The following IL7 variants were observed in gnomAD, a reference collection of about 807,000 sequenced individuals.
IL7 encodes the protein interleukin 7.
Under a neutral mutation model 21.6 loss-of-function variants are expected in IL7, and 3 were observed. The ratio of observed to expected loss-of-function variants is 0.14; its 90% CI spans 0.06 to 0.36. The LOEUF (loss-of-function observed/expected upper bound fraction) is 0.36, where lower values mean the gene tolerates loss of function less well. IL7 is among the 10% of genes least tolerant of loss of function. The pLI is 1.00. For missense variants in IL7, 175 were observed against 200.2 expected, an observed-to-expected ratio of 0.87 and a Z score of 0.76; for synonymous variants, 62 against 68.1, an observed-to-expected ratio of 0.91 and a Z score of 0.44.
intron 4 of IL7, among the ~76,000 whole-genome samples, chr8:78,737,131 A>G (rs1811620180): frequency 6.6e-6 from 1 of 152,156 alleles, no homozygotes; most frequent in Non-Finnish European, 1.5e-5. Flanking sequence ...GAACATGATG[A>G]TCCATATAAA....
chr8:78,743,788 T>C (rs181260066), intron 2 of IL7, among the ~76,000 whole-genome samples: 14 of 152,326 alleles, frequency 9.2e-5, no homozygotes, highest in Non-Finnish European at 1.9e-4. Context: ...ATGTTCGACG[T>C]TGCCTACCTT....
chr8:78,785,323 G>T (rs927028734), intron 2 of IL7, among the ~76,000 whole-genome samples: 1 of 152,198 alleles, frequency 6.6e-6, no homozygotes, highest in African/African-American at 2.4e-5. Flanking sequence ...TCATAAAATG[G>T]ATCACTATCA....
At chr8:78,776,442 TA>T (rs1431606770) in intron 2 of IL7, among the ~76,000 whole-genome samples, 2 of 152,066 alleles carry the variant, frequency 1.3e-5, no homozygotes, top group African/African-American at 2.4e-5. Context: ...GATTTTTGGG[TA>T]ACTGAAACCA....
At chr8:78,779,639 C>A (rs987912578) in intron 2 of IL7, among the ~76,000 whole-genome samples, 3 of 152,078 alleles carry the variant, frequency 2.0e-5, no homozygotes, top group African/African-American at 7.2e-5. Flanking sequence ...TTTGGTTTGG[C>A]AGTATTTTAC....
chr8:78,791,706 T>C lies in IL7; in HGVS notation c.147+6366A>G, dbSNP rs1298270550. Among the ~76,000 whole-genome samples the C allele has an allele frequency of 2.0e-5, 3 of 152,088 alleles. No homozygotes were observed. The East Asian group carries it at 5.8e-4, about 29-fold the overall frequency. ...CTCTTACCAAATGATGAGCATATCA[T>C]CAAAATCTAATGGGAGAATGAAAAC... On this transcript the variant is annotated intron_variant, in intron 2 of 5. Coordinates refer to ENST00000263851, the MANE Select transcript of IL7 (RefSeq NM_000880.4).
chr8:78,681,945 T>C (rs776835178), intron 4 of IL7, among the ~76,000 whole-genome samples: 19 of 151,454 alleles, frequency 1.3e-4, no homozygotes, highest in Non-Finnish European at 2.5e-4. Context: ...TCTTACTATG[T>C]TGACCAGGCT....
At chr8:78,686,277 A>G (rs1164551362) in intron 3 of IL7, among the ~76,000 whole-genome samples, 1 of 152,194 alleles carries the variant, frequency 6.6e-6, no homozygotes, top group Non-Finnish European at 1.5e-5. Context: ...ACATTAAGAA[A>G]TTGAATATAA....
intron 2 of IL7, among the ~76,000 whole-genome samples, chr8:78,744,795 G>A (rs1170217144): frequency 1.3e-5 from 2 of 152,200 alleles, no homozygotes; most frequent in East Asian, 3.9e-4. Context: ...TAGACTGAAA[G>A]CCCTGATGGA....
chr8:78,726,614 C>T (rs1811344514), intron 3 of IL7, among the ~76,000 whole-genome samples: 1 of 151,978 alleles, frequency 6.6e-6, no homozygotes, highest in Admixed American at 6.6e-5. Context: ...AAAGTGGTCA[C>T]AGGTATTGAT....
chr8:78,793,833 A>G (rs1352799182), intron 2 of IL7, among the ~76,000 whole-genome samples: 6 of 152,150 alleles, frequency 3.9e-5, no homozygotes, highest in Non-Finnish European at 2.9e-5. Flanking sequence ...TGCTTTAACA[A>G]CTAATTTTGT....
At chr8:78,686,498 G>A (rs1241182299) in intron 3 of IL7, 2 of 1,537,014 alleles carry the variant, frequency 1.3e-6, no homozygotes, top group African/African-American at 1.4e-5. Context: ...TCTAATTGGA[G>A]AAGGAAACAT....
intron 2 of IL7, among the ~76,000 whole-genome samples, chr8:78,777,098 A>T (rs1218260210): frequency 6.6e-6 from 1 of 152,134 alleles, no homozygotes; most frequent in Non-Finnish European, 1.5e-5. Context: ...TATGTGATCG[A>T]CAATGTCTTC....
chr8:78,797,256 G>T (rs113649598), intron 2 of IL7, among the ~76,000 whole-genome samples: 1 of 151,926 alleles, frequency 6.6e-6, no homozygotes, highest in East Asian at 1.9e-4. Flanking sequence ...TTCAGGGGAA[G>T]AAAGAGAAGG....
At chr8:78,682,422 G>A (rs1809816715) in intron 4 of IL7, among the ~76,000 whole-genome samples, 1 of 152,156 alleles carries the variant, frequency 6.6e-6, no homozygotes, top group South Asian at 2.1e-4. Context: ...CATGGTGGAA[G>A]GTGAAGAAGG....
At chr8:78,717,672 ACTGTATAT>A, downstream of IL7, 6 of 473,048 alleles carry the variant, frequency 1.3e-5, no homozygotes, top group South Asian at 5.0e-5. Context: ...GTGTACATAT[ACTGTATAT>A]AATAAATATC....
intron 4 of IL7, among the ~76,000 whole-genome samples, chr8:78,684,227 C>T (rs1809880035): frequency 6.6e-6 from 1 of 152,120 alleles, no homozygotes; most frequent in Non-Finnish European, 1.5e-5. Context: ...TGAAGAAATA[C>T]CTGAGACTAG....
intron 2 of IL7, among the ~76,000 whole-genome samples, chr8:78,784,139 G>C (rs914744746): frequency 2.0e-5 from 3 of 152,202 alleles, no homozygotes; most frequent in Non-Finnish European, 4.4e-5. Context: ...TCGTTAGAAA[G>C]TGAGGCCTTC....
chr8:78,782,008 C>T (rs1041493394), intron 2 of IL7, among the ~76,000 whole-genome samples: 2 of 152,126 alleles, frequency 1.3e-5, no homozygotes, highest in Non-Finnish European at 2.9e-5. Flanking sequence ...ATCTATTCAG[C>T]TATTGATACC....
rs141347076 is a variant in IL7, at chr8:78,770,708, C to T, written c.147+27364G>A. 4.9e-4 allele frequency among the ~76,000 whole-genome samples: 74 copies of T among 152,054 alleles called. 1 individual carries two copies. Among genetic ancestry groups the T allele is most frequent in the Middle Eastern group, 3.4e-3 (1 of 294 alleles). The stretch of plus-strand genomic sequence containing the variant: ...ACACGCACACACACACACATACACA[C>T]GCACACGCACACAAGTGAGATAGGT... On this transcript the variant is annotated intron_variant, in intron 2 of 5. Transcript: ENST00000263851.
Sources: gnomAD v4.1 joint callset for allele counts (sites outside exome capture counted in the v4.1 genomes callset) on GRCh38, gnomAD v4.1.1 for gene constraint, MANE v1.5 for transcripts, NCBI Gene and HGNC (gene_info 2026-07-23, HGNC 2026-07-21) for gene names.